Variants in MTMR3 observed in about 807,000 individuals in gnomAD.
MTMR3 encodes myotubularin related protein 3.
Under a neutral mutation model 132.4 loss-of-function variants are expected in MTMR3, and 32 were observed. That is an observed-to-expected ratio of 0.24 (90% CI 0.18 to 0.32). MTMR3 has a LOEUF of 0.32. Among genes scored for constraint, MTMR3 ranks in the 10% least tolerant of loss-of-function variants. The pLI is 1.00. For missense variants in MTMR3, 1,216 were observed against 1,489.6 expected (o/e 0.82, Z 3.02); for synonymous variants, 556 against 550.3 (o/e 1.01, Z -0.14).
In MTMR3 at chr22:30,022,218, AC is replaced by A; in HGVS notation, c.3336+83del. The A allele has an allele frequency of 5.2e-6, 6 of 1,161,844 alleles. No homozygotes were observed. The South Asian group carries it at 7.8e-5, about 15-fold the overall frequency. The allele number at this position is 1,161,844 out of a possible 1,614,324, so 72.0% of individuals were successfully genotyped here. On this transcript the variant is annotated intron_variant, in intron 18 of 19. Transcript: ENST00000401950. ...TTCTCCACCCCCATTCCCACCCCAT[AC>A]CCCTGGCCAAGGAAGCACCTCCCAG...
At chr22:29,896,470 C>G (rs143180201) in intron 1 of MTMR3, among the ~76,000 whole-genome samples, 2 of 152,272 alleles carry the variant, frequency 1.3e-5, no homozygotes, top group East Asian at 3.9e-4. Context: ...TTGCCAACTT[C>G]TGGCCGGCCA....
At chr22:29,911,016 A>G (rs189710507) in intron 1 of MTMR3, among the ~76,000 whole-genome samples, 39 of 152,312 alleles carry the variant, frequency 2.6e-4, no homozygotes, top group Admixed American at 5.2e-4. Flanking sequence ...TTATACTAGT[A>G]AAAGGAATAG....
intron 3 of MTMR3, 31 bp downstream of exon 3, chr22:29,971,093 A>G: frequency 1.3e-6 from 2 of 1,584,056 alleles, no homozygotes; most frequent in Non-Finnish European, 1.7e-6. Context: ...GTAAAAAAAA[A>G]AACAAAAAAC....
Position 30,019,463 on chromosome 22 carries a change from A to G in MTMR3, c.1821-17A>G, listed in dbSNP as rs1197161226. ...AGTTTCCAAGATTTTCATTTCCCCC[A>G]AATTCCTTTCCTTTAGGCTACCAAA... On this transcript the variant is annotated splice_polypyrimidine_tract_variant and intron_variant, in intron 16 of 19. Coordinates refer to ENST00000401950, the MANE Select transcript of MTMR3 (RefSeq NM_021090.4). 1 of 1,577,214 alleles carries G rather than the reference A, an allele frequency of 6.3e-7. No homozygotes were observed.
At chr22:30,024,018 G>A in intron 19 of MTMR3, 1 of 154,608 alleles carries the variant, frequency 6.5e-6, no homozygotes, top group South Asian at 2.0e-4. Flanking sequence ...GCATCAGCCA[G>A]GTGCGGTGGC....
chr22:29,939,073 C>G (rs997076467), intron 1 of MTMR3, among the ~76,000 whole-genome samples: 1 of 152,130 alleles, frequency 6.6e-6, no homozygotes. Flanking sequence ...ATACCCGCCT[C>G]GGCCTCCCAA....
At chr22:29,977,403 T>C (rs1484614979) in intron 3 of MTMR3, among the ~76,000 whole-genome samples, 2 of 152,246 alleles carry the variant, frequency 1.3e-5, no homozygotes, top group African/African-American at 4.8e-5. Context: ...ATGCAAAATA[T>C]TACTTTTTAA....
chr22:29,885,227 G>A (rs77856340), intron 1 of MTMR3, among the ~76,000 whole-genome samples: 1 of 152,144 alleles, frequency 6.6e-6, no homozygotes, highest in African/African-American at 2.4e-5. Flanking sequence ...ACAAAGCTCC[G>A]TGAATGATTC....
chr22:30,024,670 TG>T (rs1013290024), intron 19 of MTMR3: 5 of 152,236 alleles, frequency 3.3e-5, no homozygotes, highest in African/African-American at 1.2e-4. Flanking sequence ...CCCCAGTCTT[TG>T]GTGGGCTGTG....
At chr22:29,991,339 T>C in intron 6 of MTMR3, 165 bp from the exon 7 acceptor site, 1 of 551,192 alleles carries the variant, frequency 1.8e-6, no homozygotes, top group South Asian at 3.7e-5. Context: ...ACATTTGTTT[T>C]TCTTATAAGT....
chr22:29,931,733 A>G (rs1401720956), intron 1 of MTMR3, among the ~76,000 whole-genome samples: 1 of 152,032 alleles, frequency 6.6e-6, no homozygotes, highest in Non-Finnish European at 1.5e-5. Flanking sequence ...TGTTTTAAAA[A>G]AATAATTTTC....
At chr22:30,005,248 A>G (rs2067251265) in intron 9 of MTMR3, 1 of 152,222 alleles carries the variant, frequency 6.6e-6, no homozygotes, top group African/African-American at 2.4e-5. Flanking sequence ...ATAGAAATGC[A>G]TTCCTTTAGT....
rs925073823 is a variant in MTMR3 at position 30,030,434 on chromosome 22, A to G, written c.*4633A>G. 6 of 152,052 alleles carry G rather than the reference A, an allele frequency of 3.9e-5. No homozygotes were observed. The highest frequency in any genetic ancestry group is 1.3e-4 in the Admixed American group (2 of 15,262). The allele number at this position is 152,052 out of a possible 1,614,324, so 9.4% of individuals were successfully genotyped here. ...TTGCTGCTGACAGTAGTGCTTGCCT[A>G]TTGTAACAGCATTGGTTCTGCTGTA... On this transcript the variant is annotated 3_prime_UTR_variant, in exon 20 of 20. Transcript: ENST00000401950.
At chr22:29,887,887 A>G (rs2064709733) in intron 1 of MTMR3, among the ~76,000 whole-genome samples, 1 of 138,910 alleles carries the variant, frequency 7.2e-6, no homozygotes, top group South Asian at 2.1e-4. Context: ...ATATAGACAC[A>G]GAGGTATTGT....
rs200478028 is a variant in MTMR3, at chr22:30,025,844, A to G, written c.*43A>G. ...GGGCAGTGGCCAAGCTGCTGTTCCT[A>G]TGACAGGCCCACTCAACCTGGGCAG... is the stretch of plus-strand genomic sequence containing the variant. On this transcript the variant is annotated 3_prime_UTR_variant, in exon 20 of 20. Transcript: ENST00000401950. The G allele has an allele frequency of 1.0e-5, 16 of 1,605,276 alleles. No individual in the cohort carries two copies. The African/African-American group carries it at 1.2e-4, about 12-fold the overall frequency.
intron 1 of MTMR3, among the ~76,000 whole-genome samples, chr22:29,925,549 T>G (rs922957993): frequency 1.4e-5 from 2 of 144,988 alleles, no homozygotes; most frequent in Non-Finnish European, 3.0e-5. Context: ...CCTTTTTATT[T>G]GTTTTCTTTA....
chr22:29,888,900 C>T (rs960414973), intron 1 of MTMR3, among the ~76,000 whole-genome samples: 6 of 151,294 alleles, frequency 4.0e-5, no homozygotes, highest in South Asian at 2.1e-4. Flanking sequence ...TCAGCCTCCC[C>T]AAGTCGTTAA....
intron 8 of MTMR3, chr22:29,999,594 A>G (rs2067127424): frequency 1.3e-5 from 2 of 152,160 alleles, no homozygotes; most frequent in Admixed American, 6.5e-5. Context: ...TCAGCACTCA[A>G]AGTTTTGGAT....
At chr22:29,926,581 C>T (rs1474629921) in intron 1 of MTMR3, among the ~76,000 whole-genome samples, 1 of 152,116 alleles carries the variant, frequency 6.6e-6, no homozygotes, top group Non-Finnish European at 1.5e-5. Context: ...TTTAGTCATG[C>T]TAGTGGGTTT....
Sources: allele counts gnomAD v4.1 joint callset (sites outside exome capture counted in the v4.1 genomes callset), GRCh38; gene constraint gnomAD v4.1.1; transcripts MANE v1.5; gene names NCBI Gene and HGNC (gene_info 2026-07-23, HGNC 2026-07-21).